LRRC8A: variants seen among roughly 807,000 people sequenced by gnomAD.
LRRC8A encodes leucine rich repeat containing 8 VRAC subunit A, also known as volume-regulated anion channel subunit LRRC8A.
In LRRC8A, 24 loss-of-function variants were observed where a neutral mutation model predicts 52.5. The observed-to-expected ratio is 0.46, with a 90% CI of 0.33 to 0.64. The LOEUF (loss-of-function observed/expected upper bound fraction) is 0.64. Among genes scored for constraint, LRRC8A ranks in the 30% least tolerant of loss-of-function variants. The probability of loss-of-function intolerance (pLI) is 0.02; values close to 1 mark genes in which losing one functional copy is unlikely to be tolerated. For synonymous variants in LRRC8A, 492 were observed against 494.2 expected (o/e 1.00, Z 0.06); for missense variants, 677 against 1,094.7 (o/e 0.62, Z 5.38).
At chr9:128,904,939 A>G (rs954966038) in intron 2 of LRRC8A, among the ~76,000 whole-genome samples, 2 of 147,862 alleles carry the variant, frequency 1.4e-5, no homozygotes, top group Non-Finnish European at 3.0e-5. Flanking sequence ...CGGAGCTTGC[A>G]GTGAGCCAAG....
At position 128,892,169 on chromosome 9, in the gene LRRC8A, C is replaced by G. The variant is rs1350120705; in HGVS notation, c.-9+6048C>G. On this transcript the variant is annotated intron_variant, in intron 2 of 3. Coordinates refer to ENST00000372600, the MANE Select transcript of LRRC8A (RefSeq NM_019594.4). This position sits in a 1 kb window ranked among gnomAD's most constrained non-coding sequence, Gnocchi z 5.2. ...CGGTCTCGTGGTGAGGTGGGTGCCA[C>G]CTTGCTGCTATGCATGAAGGTTGGG... is the stretch of plus-strand genomic sequence containing the variant. 1.3e-5 allele frequency among the ~76,000 whole-genome samples: 2 copies of G among 152,216 alleles called. No individual in the cohort carries two copies. The highest frequency in any genetic ancestry group is 4.8e-5 in the African/African-American group (2 of 41,462).
Position 128,917,341 on chromosome 9 carries a change from T to C in LRRC8A, c.*970T>C, listed in dbSNP as rs1401003401. Reference sequence around the variant, plus strand: ...TGGGTTTTTTTGGTGTCTTGTTTTCTTTCTCCTCCATGTGTCTTGGCAGGC... The same window carrying C: ...TGGGTTTTTTTGGTGTCTTGTTTTCCTTCTCCTCCATGTGTCTTGGCAGGC... On this transcript the variant is annotated 3_prime_UTR_variant, in exon 4 of 4. Transcript: ENST00000372600. The C allele has an allele frequency of 6.6e-6, 1 of 152,586 alleles. No individual in the cohort carries two copies. Among genetic ancestry groups the C allele is most frequent in the Admixed American group, 6.6e-5 (1 of 15,266 alleles). 9.5% of individuals were successfully genotyped at this position (152,586 alleles called of 1,614,324 possible).
Position 128,907,408 on chromosome 9 carries a change from C to A in LRRC8A, c.244C>A (p.Pro82Thr). 1 of 1,613,436 alleles carries A rather than the reference C, an allele frequency of 6.2e-7. No homozygotes were observed. The highest frequency in any genetic ancestry group is 1.1e-5 in the South Asian group (1 of 91,086). ...AGCCCCTGGCCCGGAGCCCACCTAC[C>A]CCAACTCCACCATTCTGCCGACCCC... is the stretch of plus-strand genomic sequence containing the variant. ...WAAPGPEPTY[P>T]NSTILPTPDT... The change falls in exon 3 of 4, where the codon CCC becomes ACC. Residue 82 changes from proline to threonine, a missense_variant. Coordinates refer to ENST00000372600, the MANE Select transcript of LRRC8A (RefSeq NM_019594.4). The surrounding 1 kb of genome is among the most constrained non-coding windows in gnomAD (Gnocchi z 9.3).
At chr9:128,888,876 A>T (rs1839498224) in intron 2 of LRRC8A, among the ~76,000 whole-genome samples, 1 of 151,980 alleles carries the variant, frequency 6.6e-6, no homozygotes, top group Non-Finnish European at 1.5e-5. Flanking sequence ...GCCCCTCCAC[A>T]GATGGTGCTC....
chr9:128,884,503 G>A (rs1255946754), intron 1 of LRRC8A, among the ~76,000 whole-genome samples: 1 of 152,206 alleles, frequency 6.6e-6, no homozygotes, highest in Non-Finnish European at 1.5e-5. Flanking sequence ...CAGTCTGGGA[G>A]GACAGGCAAA....
At chr9:128,889,404 C>T (rs751433606) in intron 2 of LRRC8A, among the ~76,000 whole-genome samples, 1 of 152,034 alleles carries the variant, frequency 6.6e-6, no homozygotes, top group Non-Finnish European at 1.5e-5. Context: ...TAGTCCCAGT[C>T]GTCTACCGCA....
chr9:128,885,632 G>A (rs918215878), intron 1 of LRRC8A, among the ~76,000 whole-genome samples: 5 of 152,184 alleles, frequency 3.3e-5, no homozygotes, highest in Admixed American at 1.3e-4. Flanking sequence ...TGTCTGCCAG[G>A]CGCGGTGGCT....
rs1839960985 is a variant in LRRC8A, at chr9:128,899,886, A to AT, written c.-8-7267dup. On this transcript the variant is annotated intron_variant, in intron 2 of 3. Coordinates refer to ENST00000372600, the MANE Select transcript of LRRC8A (RefSeq NM_019594.4). The surrounding 1 kb of genome is among the most constrained non-coding windows in gnomAD (Gnocchi z 4.0). ...CCCCTGAACATGGGTAAGATGGTACATTTTCAGTTACATGTGTTTTATGAC... is the reference window on the plus strand; with the variant it reads ...CCCCTGAACATGGGTAAGATGGTACATTTTTCAGTTACATGTGTTTTATGAC... Among the ~76,000 whole-genome samples the AT allele has an allele frequency of 6.6e-6, 1 of 152,190 alleles. No homozygotes were observed. Among genetic ancestry groups the AT allele is most frequent in the African/African-American group, 2.4e-5 (1 of 41,462 alleles).
chr9:128,911,514 A>G lies in LRRC8A; in HGVS notation c.2157+2193A>G, dbSNP rs1214673795. Among the ~76,000 whole-genome samples, 2 of 152,194 alleles carry G rather than the reference A, an allele frequency of 1.3e-5. No homozygotes were observed. The highest frequency in any genetic ancestry group is 3.9e-4 in the East Asian group (2 of 5,182). On this transcript the variant is annotated intron_variant, in intron 3 of 3. Coordinates refer to ENST00000372600, the MANE Select transcript of LRRC8A (RefSeq NM_019594.4). The surrounding 1 kb of genome is among the most constrained non-coding windows in gnomAD (Gnocchi z 4.9). ...AGACCCTGTGGCTTCCCCATAGCAC[A>G]GTGCTGCCCTTGATAAGCTGGGACT...
At chr9:128,882,911 T>G (rs1342699780) in intron 1 of LRRC8A, 1 of 397,634 alleles carries the variant, frequency 2.5e-6, no homozygotes. Flanking sequence ...CAGCCCTAGG[T>G]GAGCTGGATA....
At chr9:128,905,303 T>C (rs1840201120) in intron 2 of LRRC8A, among the ~76,000 whole-genome samples, 1 of 152,250 alleles carries the variant, frequency 6.6e-6, no homozygotes, top group Admixed American at 6.5e-5. Flanking sequence ...TGCTACGCTT[T>C]TTTACAATTT....
chr9:128,897,893 A>G (rs1054601523), intron 2 of LRRC8A, among the ~76,000 whole-genome samples: 1 of 151,764 alleles, frequency 6.6e-6, no homozygotes, highest in African/African-American at 2.4e-5. Context: ...TAATAAAAAA[A>G]TAGAGGGCAG....
chr9:128,913,462 G>C (rs949144412), intron 3 of LRRC8A, among the ~76,000 whole-genome samples: 1 of 152,198 alleles, frequency 6.6e-6, no homozygotes, highest in African/African-American at 2.4e-5. Context: ...GGCACGGGCC[G>C]GCGACAATCC....
chr9:128,900,244 C>T (rs1201169532), intron 2 of LRRC8A, among the ~76,000 whole-genome samples: 4 of 152,226 alleles, frequency 2.6e-5, no homozygotes. Context: ...CAGCACCCCA[C>T]CCCACCTTGT....
intron 2 of LRRC8A, among the ~76,000 whole-genome samples, chr9:128,890,169 T>TGTGTGTGC (rs1491190172): frequency 1.3e-5 from 2 of 148,452 alleles, no homozygotes; most frequent in South Asian, 2.1e-4. Context: ...TGTGTGTGTG[T>TGTGTGTGC]GCTGGGAAGG....
At chr9:128,901,396 G>A (rs995770804) in intron 2 of LRRC8A, among the ~76,000 whole-genome samples, 3 of 152,046 alleles carry the variant, frequency 2.0e-5, no homozygotes, top group South Asian at 2.1e-4. Context: ...CCTGGGAGGC[G>A]GAGATTGCAG....
rs559697413 is a variant in LRRC8A at position 128,905,423 on chromosome 9, G to A, written c.-8-1734G>A. On this transcript the variant is annotated intron_variant, in intron 2 of 3. Coordinates refer to ENST00000372600, the MANE Select transcript of LRRC8A (RefSeq NM_019594.4). ...CCGTGTGACCACGAATGGCCACAGA[G>A]AGGCATTCTCACAGAGATCTTGCTG... is the stretch of plus-strand genomic sequence containing the variant. Among the ~76,000 whole-genome samples, 12 of 152,356 alleles carry A rather than the reference G, an allele frequency of 7.9e-5. No homozygotes were observed. The East Asian group carries it at 1.9e-3, about 25-fold the overall frequency.
Position 128,908,011 on chromosome 9 carries a change from G to A in LRRC8A, c.847G>A (p.Val283Ile), listed in dbSNP as rs569164485. Residue 283 changes from valine to isoleucine, a missense_variant, in exon 3 of 4, where the codon GTC becomes ATC. Val to Ile is a conservative substitution (Grantham distance 29). Transcript: ENST00000372600. ...GTTCATCCTCATCATCTGCTACACC[G>A]TCTACTACGTGCACAACATCAAGTT... ...IKFILIICYT[V>I]YYVHNIKFDV... 57 of 1,614,084 alleles carry A rather than the reference G, an allele frequency of 3.5e-5. No homozygotes were observed. The East Asian group carries it at 7.1e-4, about 20-fold the overall frequency.
In LRRC8A at chr9:128,917,113, A is replaced by T. The variant is rs1840857522; in HGVS notation, c.*742A>T. The T allele has an allele frequency of 6.6e-6, 1 of 151,844 alleles. No homozygotes were observed. Among genetic ancestry groups the T allele is most frequent in the Non-Finnish European group, 1.5e-5 (1 of 67,864 alleles). 9.4% of individuals were successfully genotyped at this position (151,844 alleles called of 1,614,324 possible). On this transcript the variant is annotated 3_prime_UTR_variant, in exon 4 of 4. Transcript: ENST00000372600. Reference sequence around the variant, plus strand: ...GGTTTGGGTATTAAAAAGAAAAAAAAAACTTAAAAAAAAAAAGACACTAAC... The same window carrying T: ...GGTTTGGGTATTAAAAAGAAAAAAATAACTTAAAAAAAAAAAGACACTAAC...
Sources: gnomAD v4.1 joint callset for allele counts (sites outside exome capture counted in the v4.1 genomes callset) on GRCh38, gnomAD v4.1.1 for gene constraint, Gnocchi (gnomAD v3.1) non-coding constraint, MANE v1.5 for transcripts, NCBI Gene and HGNC (gene_info 2026-07-23, HGNC 2026-07-21) for gene names.